Variants in CCSER1 observed in about 807,000 individuals in gnomAD.
The protein encoded by CCSER1 is serine-rich coiled-coil domain-containing protein 1.
Under a neutral mutation model 82.0 loss-of-function variants are expected in CCSER1, and 41 were observed. That is an observed-to-expected ratio of 0.50 (90% confidence interval 0.39 to 0.65). The LOEUF (loss-of-function observed/expected upper bound fraction) is 0.65. Among genes scored for constraint, CCSER1 ranks in the 30% least tolerant of loss-of-function variants. The pLI is 0.00. For missense variants in CCSER1, 1,119 were observed against 1,064.2 expected (o/e 1.05, Z -0.72); for synonymous variants, 414 against 383.9 (o/e 1.08, Z -0.92).
At chr4:91,279,063 T>A (rs886187931) in intron 10 of CCSER1, among the ~76,000 whole-genome samples, 56 of 152,220 alleles carry the variant, frequency 3.7e-4, no homozygotes, top group African/African-American at 1.2e-3. Flanking sequence ...GGTTTATTTT[T>A]TTTTTTTTCT....
At chr4:91,177,850 C>G (rs116551119) in intron 10 of CCSER1, among the ~76,000 whole-genome samples, 1,537 of 152,206 alleles carry the variant, frequency 0.01, 12 homozygotes, top group African/African-American at 0.025. Flanking sequence ...TTGCCTTCTC[C>G]TAGCTTTTGA....
At chr4:90,813,074 C>G (rs1222365021) in intron 7 of CCSER1, among the ~76,000 whole-genome samples, 3 of 152,202 alleles carry the variant, frequency 2.0e-5, no homozygotes, top group African/African-American at 7.2e-5. Flanking sequence ...CTCATTACAG[C>G]ATTAACTCAA....
intron 7 of CCSER1, among the ~76,000 whole-genome samples, chr4:90,733,657 G>A (rs911139023): frequency 9.9e-5 from 15 of 152,006 alleles, no homozygotes; most frequent in Admixed American, 4.6e-4. Context: ...TGATAGTTAC[G>A]TCTTATATTT....
At chr4:91,113,811 GTTAT>G (rs1320116224) in intron 10 of CCSER1, among the ~76,000 whole-genome samples, 1 of 151,336 alleles carries the variant, frequency 6.6e-6, no homozygotes, top group African/African-American at 2.4e-5. Flanking sequence ...TTTATTCTCA[GTTAT>G]TTATGTTTTT....
chr4:90,479,468 C>A (rs1009562472), intron 5 of CCSER1, among the ~76,000 whole-genome samples: 1 of 152,140 alleles, frequency 6.6e-6, no homozygotes, highest in Non-Finnish European at 1.5e-5. Context: ...TGTTGGTGTG[C>A]TGCACCCATT....
At chr4:91,445,418 A>G (rs1252890339) in intron 10 of CCSER1, among the ~76,000 whole-genome samples, 2 of 146,984 alleles carry the variant, frequency 1.4e-5, no homozygotes, top group African/African-American at 2.5e-5. Flanking sequence ...CATTTTAGCC[A>G]TCTTTTCCTC....
chr4:90,921,041 A>G (rs1270990626), intron 8 of CCSER1, among the ~76,000 whole-genome samples: 1 of 151,742 alleles, frequency 6.6e-6, no homozygotes, highest in Non-Finnish European at 1.5e-5. Context: ...ATAAGAAATC[A>G]AAATTATCTG....
At chr4:90,199,043 G>A (rs1003287051) in intron 1 of CCSER1, among the ~76,000 whole-genome samples, 3 of 152,034 alleles carry the variant, frequency 2.0e-5, no homozygotes, top group South Asian at 2.1e-4. Flanking sequence ...ATTTTCAAGC[G>A]TCTGATACAC....
chr4:91,003,485 A>G (rs572476792), intron 9 of CCSER1, among the ~76,000 whole-genome samples: 77 of 152,162 alleles, frequency 5.1e-4, no homozygotes, highest in Non-Finnish European at 9.0e-4. Flanking sequence ...TGTGTCATGA[A>G]GGTTGTCAGG....
At chr4:90,392,075 G>C (rs1751267030) in intron 3 of CCSER1, among the ~76,000 whole-genome samples, 1 of 151,860 alleles carries the variant, frequency 6.6e-6, no homozygotes, top group Admixed American at 6.6e-5. Flanking sequence ...CATGAGAGTA[G>C]AACCTCTATT....
At chr4:90,906,746 C>T (rs1725533214) in intron 8 of CCSER1, among the ~76,000 whole-genome samples, 1 of 151,748 alleles carries the variant, frequency 6.6e-6, no homozygotes, top group South Asian at 2.1e-4. Context: ...AGTCTCAATA[C>T]TGTTGGCAGG....
intron 9 of CCSER1, among the ~76,000 whole-genome samples, chr4:91,071,418 T>G (rs537112024): frequency 2.6e-5 from 4 of 152,116 alleles, no homozygotes; most frequent in Non-Finnish European, 4.4e-5. Context: ...GCCATGGGAG[T>G]TGGCTATGCA....
At chr4:91,077,732 G>T (rs572092247) in intron 9 of CCSER1, among the ~76,000 whole-genome samples, 6 of 152,132 alleles carry the variant, frequency 3.9e-5, no homozygotes, top group Non-Finnish European at 8.8e-5. Context: ...TGGAAAATTG[G>T]GGCACTCCCA....
At chr4:91,246,267 T>C (rs1393307808) in intron 10 of CCSER1, among the ~76,000 whole-genome samples, 3 of 152,184 alleles carry the variant, frequency 2.0e-5, no homozygotes, top group Admixed American at 2.0e-4. Context: ...TTTGCATGTC[T>C]GTTTGTATAC....
chr4:91,064,610 CAT>C (rs1744209557), intron 9 of CCSER1, among the ~76,000 whole-genome samples: 1 of 152,218 alleles, frequency 6.6e-6, no homozygotes, highest in Non-Finnish European at 1.5e-5. Context: ...CAGCCACAAT[CAT>C]AGAAATTCCA....
intron 7 of CCSER1, among the ~76,000 whole-genome samples, chr4:90,752,883 C>A (rs1002309812): frequency 6.6e-6 from 1 of 152,070 alleles, no homozygotes; most frequent in Non-Finnish European, 1.5e-5. Flanking sequence ...CCCATAATAC[C>A]TACTTTGCTA....
chr4:91,100,780 C>A (rs1352627150), intron 10 of CCSER1, among the ~76,000 whole-genome samples: 1 of 152,148 alleles, frequency 6.6e-6, no homozygotes, highest in African/African-American at 2.4e-5. Flanking sequence ...TTTTGAAGAT[C>A]TCTTCTATGT....
chr4:91,538,891 C>A (rs1761447695), intron 10 of CCSER1, among the ~76,000 whole-genome samples: 2 of 151,732 alleles, frequency 1.3e-5, no homozygotes, highest in Admixed American at 1.3e-4. Flanking sequence ...GTAGTCTATT[C>A]TAATGCTTAA....
intron 9 of CCSER1, among the ~76,000 whole-genome samples, chr4:91,058,772 T>C (rs1420942937): frequency 6.6e-6 from 1 of 152,056 alleles, no homozygotes; most frequent in Non-Finnish European, 1.5e-5. Flanking sequence ...TTTTATGTAA[T>C]AGATAAGAAA....
Sources: allele counts gnomAD v4.1 joint callset (sites outside exome capture counted in the v4.1 genomes callset), GRCh38; gene constraint gnomAD v4.1.1; transcripts MANE v1.5; gene names NCBI Gene and HGNC (gene_info 2026-07-23, HGNC 2026-07-21).